LUZP2: variants seen among roughly 807,000 people sequenced by gnomAD.
LUZP2 encodes leucine zipper protein 2.
In LUZP2, 52 loss-of-function variants were observed where a neutral mutation model predicts 51.6. The observed-to-expected ratio is 1.01, with a 90% CI of 0.81 to 1.27. LUZP2 has a LOEUF of 1.27. Among genes scored for constraint, LUZP2 ranks in the 50% most tolerant of loss-of-function variants. The pLI is 0.00. For missense variants in LUZP2, 436 were observed against 395.4 expected (o/e 1.10, Z -0.87); for synonymous variants, 154 against 137.3 (o/e 1.12, Z -0.85).
At chr11:25,044,033 AG>A (rs1858175071) in intron 9 of LUZP2, among the ~76,000 whole-genome samples, 1 of 121,278 alleles carries the variant, frequency 8.2e-6, no homozygotes, top group Admixed American at 8.5e-5. Flanking sequence ...ATATATATAG[AG>A]TCTATATATA....
chr11:24,562,259 G>C (rs1447710391), intron 1 of LUZP2, among the ~76,000 whole-genome samples: 1 of 152,054 alleles, frequency 6.6e-6, no homozygotes. Flanking sequence ...AGTTGGCAGG[G>C]CTTCCCTTAT....
rs142340873 is a variant in LUZP2, at chr11:24,748,794, A to G, written c.333+10492A>G. On this transcript the variant is annotated intron_variant, in intron 4 of 11. Coordinates refer to ENST00000336930, the MANE Select transcript of LUZP2 (RefSeq NM_001009909.4). ...TAATTTAAAAATCACATATCAGTAT[A>G]TATTTATGTATGTAGGTATCTATAA... Among the ~76,000 whole-genome samples, 245 of 152,286 alleles carry G rather than the reference A, an allele frequency of 1.6e-3. 1 individual carries two copies. The highest frequency in any genetic ancestry group is 3.1e-3 in the Non-Finnish European group (211 of 68,030).
intron 8 of LUZP2, among the ~76,000 whole-genome samples, chr11:24,980,443 A>C (rs1855995696): frequency 6.6e-6 from 1 of 151,604 alleles, no homozygotes; most frequent in African/African-American, 2.4e-5. Context: ...TTTCTTATCT[A>C]ATATATAAGA....
intron 9 of LUZP2, among the ~76,000 whole-genome samples, chr11:25,035,391 A>G (rs1397816747): frequency 2.0e-5 from 3 of 152,102 alleles, no homozygotes; most frequent in Admixed American, 1.3e-4. Flanking sequence ...CACATCAACA[A>G]TGTCCAGGCT....
At chr11:24,772,269 G>A (rs1481113676) in intron 5 of LUZP2, among the ~76,000 whole-genome samples, 1 of 152,172 alleles carries the variant, frequency 6.6e-6, no homozygotes, top group African/African-American at 2.4e-5. Context: ...TTCAACTCTT[G>A]TGGCTGTAAA....
At chr11:24,896,209 C>A (rs116866077) in intron 5 of LUZP2, among the ~76,000 whole-genome samples, 1 of 152,230 alleles carries the variant, frequency 6.6e-6, no homozygotes, top group East Asian at 1.9e-4. Flanking sequence ...CCCTTCAGTC[C>A]GCCACTGCAC....
At chr11:24,663,923 C>T (rs77498825) in intron 1 of LUZP2, among the ~76,000 whole-genome samples, 3 of 152,114 alleles carry the variant, frequency 2.0e-5, no homozygotes, top group East Asian at 1.9e-4. Flanking sequence ...AAGGCTTCCC[C>T]AGCCATGTGG....
intron 7 of LUZP2, among the ~76,000 whole-genome samples, chr11:24,953,875 T>C (rs1047380381): frequency 6.6e-6 from 1 of 152,014 alleles, no homozygotes; most frequent in African/African-American, 2.4e-5. Context: ...GAGAATGAGA[T>C]ATTAAACAGA....
intron 1 of LUZP2, among the ~76,000 whole-genome samples, chr11:24,670,261 A>G (rs770776988): frequency 4.6e-5 from 7 of 152,140 alleles, no homozygotes; most frequent in Admixed American, 3.3e-4. Context: ...CTTCATTTTC[A>G]TTAGCATTAA....
At chr11:25,014,062 C>A (rs1308151055) in intron 9 of LUZP2, among the ~76,000 whole-genome samples, 2 of 152,140 alleles carry the variant, frequency 1.3e-5, no homozygotes, top group Non-Finnish European at 2.9e-5. Flanking sequence ...ATCCATGTCC[C>A]TACAAAGGAC....
intron 4 of LUZP2, among the ~76,000 whole-genome samples, chr11:24,746,420 G>A (rs1859382599): frequency 1.3e-5 from 2 of 152,142 alleles, no homozygotes; most frequent in Admixed American, 6.6e-5. Context: ...TGAGAAATCT[G>A]CTGTTAAAGT....
At chr11:24,962,153 C>A (rs948117480) in intron 7 of LUZP2, among the ~76,000 whole-genome samples, 4 of 151,970 alleles carry the variant, frequency 2.6e-5, no homozygotes, top group Non-Finnish European at 5.9e-5. Flanking sequence ...GTGGGTAACC[C>A]AACCTTTCTC....
At chr11:24,802,639 A>G (rs540875275) in intron 5 of LUZP2, among the ~76,000 whole-genome samples, 9 of 151,984 alleles carry the variant, frequency 5.9e-5, no homozygotes, top group African/African-American at 1.7e-4. Context: ...GTGCCTATTG[A>G]ACAGTTACTC....
chr11:24,636,614 T>C (rs1463716563), intron 1 of LUZP2, among the ~76,000 whole-genome samples: 3 of 152,150 alleles, frequency 2.0e-5, no homozygotes, highest in Non-Finnish European at 4.4e-5. Flanking sequence ...CACACGTAAA[T>C]GCATATCATA....
chr11:24,574,310 TTCCCTCCCTCCC>T (rs149732465), intron 1 of LUZP2, among the ~76,000 whole-genome samples: 5 of 77,896 alleles, frequency 6.4e-5, no homozygotes, highest in Non-Finnish European at 1.2e-4. Context: ...TCTTTTTCTT[TTCCCTCCCTCCC>T]TCCCTCCCTC....
At chr11:25,066,199 A>G (rs1858993704) in intron 10 of LUZP2, among the ~76,000 whole-genome samples, 1 of 151,690 alleles carries the variant, frequency 6.6e-6, no homozygotes, top group African/African-American at 2.4e-5. Flanking sequence ...AACTCTTCCT[A>G]TTAGTTATGC....
At chr11:24,661,217 T>G (rs756145769) in intron 1 of LUZP2, among the ~76,000 whole-genome samples, 13 of 152,148 alleles carry the variant, frequency 8.5e-5, no homozygotes, top group African/African-American at 1.2e-4. Flanking sequence ...TTTACCTTAT[T>G]TCTTCAGAAG....
intron 1 of LUZP2, among the ~76,000 whole-genome samples, chr11:24,517,870 A>G (rs902834857): frequency 1.6e-4 from 25 of 152,150 alleles, no homozygotes; most frequent in African/African-American, 5.8e-4. Context: ...CTTTTTAATT[A>G]TAGAAAATTC....
intron 1 of LUZP2, among the ~76,000 whole-genome samples, chr11:24,578,489 G>A (rs143200015): frequency 1.3e-3 from 204 of 151,986 alleles, no homozygotes; most frequent in African/African-American, 4.3e-3. Context: ...GCATGCATAT[G>A]TTTATTGCAG....
Sources: gnomAD v4.1 joint callset for allele counts (sites outside exome capture counted in the v4.1 genomes callset) on GRCh38, gnomAD v4.1.1 for gene constraint, MANE v1.5 for transcripts, NCBI Gene and HGNC (gene_info 2026-07-23, HGNC 2026-07-21) for gene names.